The following RPS6KA4 variants were observed in gnomAD, a reference collection of about 807,000 sequenced individuals.
RPS6KA4 encodes the protein ribosomal protein S6 kinase A4, also known as ribosomal protein S6 kinase alpha-4.
Under a neutral mutation model 89.6 loss-of-function variants are expected in RPS6KA4, and 38 were observed. That is an observed-to-expected ratio of 0.42 (90% CI 0.33 to 0.56). The LOEUF (loss-of-function observed/expected upper bound fraction) is 0.56. RPS6KA4 is among the 20% of genes least tolerant of loss of function. The pLI is 0.07. For synonymous variants in RPS6KA4, 495 were observed against 492.8 expected (o/e 1.00, Z -0.06); for missense variants, 873 against 1,098.8 (o/e 0.79, Z 2.90).
chr11:64,369,784 G>A lies in RPS6KA4; in HGVS notation c.1688G>A (p.Gly563Glu). 1 of 1,610,736 alleles carries A rather than the reference G, an allele frequency of 6.2e-7. No homozygotes were observed. The change falls in exon 14 of 17, where the codon GGG becomes GAG. Residue 563 changes from glycine (G) to glutamate (E), a missense_variant. Gly to Glu is a moderately conservative substitution (Grantham distance 98). Coordinates refer to ENST00000334205, the MANE Select transcript of RPS6KA4 (RefSeq NM_003942.3). ...GFARLRPQSP[G>E]VPMQTPCFTL... ...GCGCGGTTGCGGCCGCAGAGTCCCG[G>A]GGTGCCCATGCAGACGCCCTGCTTC... is the stretch of plus-strand genomic sequence containing the variant.
In RPS6KA4 at chr11:64,371,471, C is replaced by T. The variant is rs2037074993; in HGVS notation, c.2310C>T (p.Pro770=). Residue 770 remains proline, a synonymous_variant, in exon 17 of 17, where the codon CCC becomes CCT. Coordinates refer to ENST00000334205, the MANE Select transcript of RPS6KA4 (RefSeq NM_003942.3). The stretch of plus-strand genomic sequence containing the variant: ...CCCGCCGAGCCAACGGCCCCCTGCC[C>T]CCCTCCTAATCCCCACCACTGTGAC... ...GAPRRANGPL[P]PS The T allele has an allele frequency of 2.4e-6, 3 of 1,251,370 alleles. No homozygotes were observed. Among genetic ancestry groups the T allele is most frequent in the East Asian group, 2.4e-5 (1 of 41,096 alleles). The allele number at this position is 1,251,370 out of a possible 1,614,324, so 77.5% of individuals were successfully genotyped here. A position where few individuals can be genotyped will look rare whatever the true frequency, so the allele number is the denominator to read the frequency against.
chr11:64,370,673 G>A lies in RPS6KA4; in HGVS notation c.2068G>A (p.Val690Met), dbSNP rs757839757. Residue 690 changes from valine (V) to methionine (M), a missense_variant, in exon 16 of 17, where the codon GTG (valine) becomes ATG (methionine). Coordinates refer to ENST00000334205, the MANE Select transcript of RPS6KA4 (RefSeq NM_003942.3). This position sits in a 1 kb window ranked among gnomAD's most constrained non-coding sequence, Gnocchi z 4.1. ...CTCGCCCCCGCTCCGGACGCCCGAC[G>A]TGCTCGAGTCCTCTGGGCCCGCAGT... ...RSSPPLRTPD[V>M]LESSGPAVRS... 2.5e-6 allele frequency: 4 copies of A among 1,572,220 alleles called. No homozygotes were observed. Among genetic ancestry groups the A allele is most frequent in the Non-Finnish European group, 2.6e-6 (3 of 1,165,322 alleles).
In RPS6KA4 at chr11:64,368,540, T is replaced by C; in HGVS notation, c.1273T>C (p.Cys425Arg). 1 of 1,586,088 alleles carries C rather than the reference T, an allele frequency of 6.3e-7. No homozygotes were observed. The highest frequency in any genetic ancestry group is 1.1e-5 in the South Asian group (1 of 86,984). The stretch of plus-strand genomic sequence containing the variant: ...GCTGGGCCAGGGCAGCTTTTCTGTG[T>C]GTCGCCGCTGCCGCCAGCGCCAGAG... ...PALGQGSFSV[C>R]RRCRQRQSGQ... Residue 425 changes from cysteine to arginine, a missense_variant, in exon 11 of 17, where the codon TGT becomes CGT. Coordinates refer to ENST00000334205, the MANE Select transcript of RPS6KA4 (RefSeq NM_003942.3).
rs548182160 is a variant in RPS6KA4, at chr11:64,370,768, C to T, written c.2121+42C>T. ...GTTGAAGGGAAGGGGTGGGCGAAGC[C>T]TCGAGAGGTGGGGTCTGGGGAGGCC... On this transcript the variant is annotated intron_variant, in intron 16 of 16. Transcript: ENST00000334205. The surrounding 1 kb of genome is among the most constrained non-coding windows in gnomAD (Gnocchi z 4.1). 10 of 1,478,836 alleles carry T rather than the reference C, an allele frequency of 6.8e-6. No individual in the cohort carries two copies. The African/African-American group carries it at 1.4e-4, about 20-fold the overall frequency. The allele number at this position is 1,478,836 out of a possible 1,614,324, so 91.6% of individuals were successfully genotyped here.
chr11:64,368,883 A>T, intron 12 of RPS6KA4, 86 bp downstream of exon 12: 1 of 1,245,202 alleles, frequency 8.0e-7, no homozygotes, highest in Non-Finnish European at 1.1e-6. Context: ...CTAGGGGTGA[A>T]TTGGGCGGGG....
At chr11:64,360,142 A>C (rs1283286114) in intron 2 of RPS6KA4, 21 bp from the exon 3 acceptor site, 2 of 1,532,776 alleles carry the variant, frequency 1.3e-6, no homozygotes, top group African/African-American at 1.4e-5. Context: ...CCCACCCTCC[A>C]CCCACTCGCT....
chr11:64,361,133 G>T lies in RPS6KA4; in HGVS notation c.463-1G>T. 6.2e-7 allele frequency: 1 copy of T among 1,612,730 alleles called. No individual in the cohort carries two copies. On this transcript the variant is annotated splice_acceptor_variant, in intron 4 of 16. Coordinates refer to ENST00000334205, the MANE Select transcript of RPS6KA4 (RefSeq NM_003942.3). LOFTEE classifies it high-confidence loss of function. This position sits in a 1 kb window ranked among gnomAD's most constrained non-coding sequence, Gnocchi z 4.7. ...CTCAGCACCCCTCTTGCTCCTACCA[G>T]CTCGGCATCATTTACCGAGACCTGA...
In RPS6KA4 at chr11:64,370,148, A is replaced by G. The variant is rs2037019536; in HGVS notation, c.1798-77A>G. The G allele has an allele frequency of 6.8e-7, 1 of 1,463,136 alleles. No homozygotes were observed. Among genetic ancestry groups the G allele is most frequent in the African/African-American group, 1.4e-5 (1 of 70,210 alleles). 90.6% of individuals were successfully genotyped at this position (1,463,136 alleles called of 1,614,324 possible). ...AGGAGTGCCCCTAGTGGGGAGGGTGAGTGGTTCTGTGGGAGCGGAGGGGTC... is the reference window on the plus strand; with the variant it reads ...AGGAGTGCCCCTAGTGGGGAGGGTGGGTGGTTCTGTGGGAGCGGAGGGGTC... On this transcript the variant is annotated intron_variant, in intron 14 of 16. Coordinates refer to ENST00000334205, the MANE Select transcript of RPS6KA4 (RefSeq NM_003942.3). The surrounding 1 kb of genome is among the most constrained non-coding windows in gnomAD (Gnocchi z 4.1).
At chr11:64,364,736 CTTTTTT>C (rs34398206) in intron 8 of RPS6KA4, among the ~76,000 whole-genome samples, 2 of 121,352 alleles carry the variant, frequency 1.6e-5, no homozygotes, top group Non-Finnish European at 1.7e-5. Flanking sequence ...CACGCCAACT[CTTTTTT>C]TTTTTTTTTT....
At chr11:64,365,757 G>A (rs934510874) in intron 9 of RPS6KA4, among the ~76,000 whole-genome samples, 13 of 152,142 alleles carry the variant, frequency 8.5e-5, no homozygotes, top group African/African-American at 2.4e-4. Context: ...ATTCACTTGC[G>A]GCTGGGTGTG....
At chr11:64,360,930 C>T in intron 4 of RPS6KA4, 1 of 580,436 alleles carries the variant, frequency 1.7e-6, no homozygotes, top group East Asian at 2.8e-5. Context: ...CTCTCTGGGA[C>T]CTTGGGGCCT....
intron 2 of RPS6KA4, chr11:64,359,936 C>T (rs768266837): frequency 1.1e-4 from 62 of 583,156 alleles, no homozygotes; most frequent in Non-Finnish European, 1.8e-4. Flanking sequence ...GAGATGCATG[C>T]TCCCCAGCCT....
At chr11:64,365,499 G>C (rs1190597151) in intron 9 of RPS6KA4, 34 bp downstream of exon 9, 4 of 1,610,940 alleles carry the variant, frequency 2.5e-6, no homozygotes, top group Non-Finnish European at 3.4e-6. Context: ...AGATGCAGGA[G>C]AGATGAGATG....
chr11:64,361,984 G>A lies in RPS6KA4; in HGVS notation c.888G>A (p.Arg296=). 1 of 1,610,120 alleles carries A rather than the reference G, an allele frequency of 6.2e-7. No individual in the cohort carries two copies. Among genetic ancestry groups the A allele is most frequent in the Non-Finnish European group, 8.5e-7 (1 of 1,178,872 alleles). The change falls in exon 8 of 17, where the codon CGG becomes CGA. Residue 296 remains arginine (R), a synonymous_variant. Transcript: ENST00000334205. This position sits in a 1 kb window ranked among gnomAD's most constrained non-coding sequence, Gnocchi z 4.7. ...GGCCCCAGGGGGCACAAGAAGTCCG[G>A]AACCATCCCTTCTTCCAGGTGAGGC... is the stretch of plus-strand genomic sequence containing the variant. ...GAGPQGAQEV[R]NHPFFQGLDW...
In RPS6KA4 at chr11:64,368,080, C is replaced by T. The variant is rs187773006; in HGVS notation, c.1072-52C>T. On this transcript the variant is annotated intron_variant, in intron 9 of 16. Transcript: ENST00000334205. ...GGTTCCCCACCAGAGTCTCCTCACC[C>T]GCACCCCCAACCCCCATGCCCATGC... The T allele has an allele frequency of 3.0e-5, 48 of 1,597,168 alleles. No individual in the cohort carries two copies. The East Asian group carries it at 6.0e-4, about 20-fold the overall frequency.
At position 64,359,442 on chromosome 11, in the gene RPS6KA4, C is replaced by T. The variant is rs1565066527; in HGVS notation, c.120C>T (p.Gly40=). The T allele has an allele frequency of 6.2e-7, 1 of 1,613,498 alleles. No homozygotes were observed. The highest frequency in any genetic ancestry group is 1.7e-5 in the Admixed American group (1 of 60,000). The change falls in exon 2 of 17, where the codon GGC becomes GGT. Residue 40 remains glycine (G), a synonymous_variant. Coordinates refer to ENST00000334205, the MANE Select transcript of RPS6KA4 (RefSeq NM_003942.3). ...ACTTCGAGCTGCTCAAGGTGCTGGG[C>T]ACGGGAGGTGAGGACCCCCATCCAC... ...VENFELLKVL[G]TGAYGKVFLV... is the part of the protein sequence containing the mutation.
Position 64,361,817 on chromosome 11 carries a change from G to A in RPS6KA4, c.756-35G>A. The A allele has an allele frequency of 1.9e-6, 3 of 1,585,936 alleles. No individual in the cohort carries two copies. The highest frequency in any genetic ancestry group is 3.4e-4 in the Middle Eastern group (2 of 5,914). ...GCCTGGGCAGGGCTGTGGGTGGGGG[G>A]CTTGCTGCCCCTGACACCCCCCCAA... On this transcript the variant is annotated intron_variant, in intron 7 of 16. Coordinates refer to ENST00000334205, the MANE Select transcript of RPS6KA4 (RefSeq NM_003942.3). The surrounding 1 kb of genome is among the most constrained non-coding windows in gnomAD (Gnocchi z 4.7).
In RPS6KA4 at chr11:64,370,393, C is replaced by CTGGAGG. The variant is rs2037028638; in HGVS notation, c.1957+11_1957+16dup. The CTGGAGG allele has an allele frequency of 6.2e-7, 1 of 1,610,294 alleles. No homozygotes were observed. The highest frequency in any genetic ancestry group is 1.3e-5 in the African/African-American group (1 of 74,636). ...CAAGGAGCTGGTCCGAGGTGCGGAG[C>CTGGAGG]TGGAGGTCATAGACCATGGTTGGGG... On this transcript the variant is annotated intron_variant, in intron 15 of 16. Coordinates refer to ENST00000334205, the MANE Select transcript of RPS6KA4 (RefSeq NM_003942.3). The surrounding 1 kb of genome is among the most constrained non-coding windows in gnomAD (Gnocchi z 4.1).
chr11:64,359,318 C>G (rs1181935390), intron 1 of RPS6KA4, 28 bp downstream of exon 1: 2 of 1,602,866 alleles, frequency 1.2e-6, no homozygotes, highest in Non-Finnish European at 1.7e-6. Context: ...CTGCGGCTGC[C>G]CGGGGCAGGC....
Sources: allele counts gnomAD v4.1 joint callset (sites outside exome capture counted in the v4.1 genomes callset), GRCh38; gene constraint gnomAD v4.1.1; non-coding constraint Gnocchi (gnomAD v3.1); transcripts MANE v1.5; gene names NCBI Gene and HGNC (gene_info 2026-07-23, HGNC 2026-07-21).